The following APBA1 variants were observed in gnomAD, a reference collection of about 807,000 sequenced individuals.
The protein encoded by APBA1 is amyloid-beta A4 precursor protein-binding family A member 1.
A neutral mutation model predicts 86.6 loss-of-function variants in APBA1; 55 were observed. The observed-to-expected ratio is 0.64, with a 90% CI of 0.51 to 0.80. The LOEUF is 0.80. APBA1 is among the 30% of genes least tolerant of loss of function. The probability of loss-of-function intolerance (pLI) is 0.00; values close to 1 mark genes in which losing one functional copy is unlikely to be tolerated. For missense variants in APBA1, 1,090 were observed against 1,183.0 expected (o/e 0.92, Z 1.15); for synonymous variants, 511 against 493.9 (o/e 1.03, Z -0.46).
chr9:69,514,589 C>CA (rs1836103279), intron 2 of APBA1, among the ~76,000 whole-genome samples: 1 of 149,434 alleles, frequency 6.7e-6, no homozygotes, highest in Admixed American at 6.7e-5. Flanking sequence ...AATTCTGTCT[C>CA]AAAAAACCAA....
chr9:69,524,977 A>C (rs1836319595), intron 1 of APBA1, among the ~76,000 whole-genome samples: 2 of 152,350 alleles, frequency 1.3e-5, no homozygotes, highest in South Asian at 4.1e-4. Flanking sequence ...TGAAAACCAA[A>C]ACTATATGAT....
intron 2 of APBA1, among the ~76,000 whole-genome samples, chr9:69,494,074 T>C (rs190649309): frequency 6.6e-6 from 1 of 152,242 alleles, no homozygotes; most frequent in East Asian, 1.9e-4. Flanking sequence ...AACTATATTA[T>C]CAAAGCACAT....
chr9:69,605,100 C>G (rs978498864), intron 1 of APBA1, among the ~76,000 whole-genome samples: 7 of 152,154 alleles, frequency 4.6e-5, no homozygotes, highest in Admixed American at 4.6e-4. Context: ...GGGGTAAAAA[C>G]AAGAGTTATA....
rs916104917 is a variant in APBA1, at chr9:69,429,640, C to A, written c.*1687G>T. 2 of 152,138 alleles carry A rather than the reference C, an allele frequency of 1.3e-5. No homozygotes were observed. The allele number at this position is 152,138 out of a possible 1,614,324, so 9.4% of individuals were successfully genotyped here. On this transcript the variant is annotated 3_prime_UTR_variant, in exon 13 of 13. Transcript: ENST00000265381. Reference sequence around the variant, plus strand: ...TGCAGAGATCTCGGGGAATTGATCACAGAACTCTCTGGTTGAAGTCTCTTG... The same window carrying A: ...TGCAGAGATCTCGGGGAATTGATCAAAGAACTCTCTGGTTGAAGTCTCTTG...
chr9:69,464,405 C>G (rs1276596070), intron 5 of APBA1: 1 of 152,210 alleles, frequency 6.6e-6, no homozygotes, highest in Non-Finnish European at 1.5e-5. Flanking sequence ...TTTTACCACT[C>G]TATAATGAAT....
At chr9:69,606,443 G>A (rs1196668595) in intron 1 of APBA1, among the ~76,000 whole-genome samples, 2 of 129,494 alleles carry the variant, frequency 1.5e-5, no homozygotes, top group African/African-American at 5.6e-5. Flanking sequence ...GCTCAGAGAA[G>A]TTAAACAAGG....
chr9:69,430,573 A>G lies in APBA1; in HGVS notation c.*754T>C. On this transcript the variant is annotated 3_prime_UTR_variant, in exon 13 of 13. Coordinates refer to ENST00000265381, the MANE Select transcript of APBA1 (RefSeq NM_001163.4). ...TGTGTGTGTGTGTGAGAGAGAGAGA[A>G]GCAGACAGTACCTGCCTGTGTTTAT... 1 of 151,754 alleles carries G rather than the reference A, an allele frequency of 6.6e-6. No homozygotes were observed. Among genetic ancestry groups the G allele is most frequent in the Admixed American group, 6.6e-5 (1 of 15,238 alleles). 9.4% of individuals were successfully genotyped at this position (151,754 alleles called of 1,614,324 possible).
intron 1 of APBA1, among the ~76,000 whole-genome samples, chr9:69,652,088 T>C (rs2134016779): frequency 6.6e-6 from 1 of 152,346 alleles, no homozygotes; most frequent in East Asian, 1.9e-4. Context: ...GGCAGCCACC[T>C]GCCAGCCAAA....
intron 1 of APBA1, among the ~76,000 whole-genome samples, chr9:69,519,141 A>G (rs1836213072): frequency 6.6e-6 from 1 of 152,258 alleles, no homozygotes; most frequent in African/African-American, 2.4e-5. Flanking sequence ...AAAGTCTCCA[A>G]AAGCAAGTAT....
chr9:69,483,211 C>T (rs1005038161), intron 2 of APBA1, among the ~76,000 whole-genome samples: 8 of 148,836 alleles, frequency 5.4e-5, no homozygotes, highest in African/African-American at 1.7e-4. Context: ...GAAGGCTGCG[C>T]TGCTTCACAG....
At chr9:69,596,383 C>G (rs1317354002) in intron 1 of APBA1, among the ~76,000 whole-genome samples, 1 of 152,188 alleles carries the variant, frequency 6.6e-6, no homozygotes, top group Non-Finnish European at 1.5e-5. Context: ...ATCCTTTCAT[C>G]TGATTTATCT....
chr9:69,525,555 AC>A (rs1836329250), intron 1 of APBA1, among the ~76,000 whole-genome samples: 1 of 151,764 alleles, frequency 6.6e-6, no homozygotes, highest in Non-Finnish European at 1.5e-5. Context: ...TACAAGGAGA[AC>A]TATAAGACAC....
chr9:69,447,080 T>C (rs1834922492), intron 10 of APBA1, among the ~76,000 whole-genome samples: 1 of 152,160 alleles, frequency 6.6e-6, no homozygotes, highest in Admixed American at 6.5e-5. Context: ...ATGGCCAACT[T>C]CTAGCATCTT....
chr9:69,536,063 G>A (rs189773565), intron 1 of APBA1, among the ~76,000 whole-genome samples: 121 of 145,094 alleles, frequency 8.3e-4, no homozygotes, highest in African/African-American at 2.9e-3. Context: ...TTTTTTTGAT[G>A]TTGTACAAGT....
intron 1 of APBA1, among the ~76,000 whole-genome samples, chr9:69,631,075 A>T (rs1823031952): frequency 6.6e-6 from 1 of 152,168 alleles, no homozygotes; most frequent in Non-Finnish European, 1.5e-5. Flanking sequence ...TAAACGATTT[A>T]TCCTTCCCAA....
chr9:69,460,651 A>T (rs1835176580), intron 5 of APBA1: 1 of 151,110 alleles, frequency 6.6e-6, no homozygotes, highest in African/African-American at 2.5e-5. Context: ...TGGAGTACCC[A>T]AATTCTTTTT....
At chr9:69,636,922 G>GGAAA (rs1164309911) in intron 1 of APBA1, among the ~76,000 whole-genome samples, 676 of 63,886 alleles carry the variant, frequency 0.011, 42 homozygotes, top group African/African-American at 0.028. Context: ...AAGGAAGGAA[G>GGAAA]GAAAGAAAGA....
intron 1 of APBA1, among the ~76,000 whole-genome samples, chr9:69,584,191 G>A (rs1821972472): frequency 6.6e-6 from 1 of 152,008 alleles, no homozygotes; most frequent in Non-Finnish European, 1.5e-5. Flanking sequence ...AGATAGATAT[G>A]TATGTTTCCA....
chr9:69,459,000 G>C (rs1487250609), intron 5 of APBA1, among the ~76,000 whole-genome samples: 1 of 151,880 alleles, frequency 6.6e-6, no homozygotes, highest in Non-Finnish European at 1.5e-5. Context: ...TAGAGATGGG[G>C]TTTCTCCATG....
Sources: allele counts gnomAD v4.1 joint callset (sites outside exome capture counted in the v4.1 genomes callset), GRCh38; gene constraint gnomAD v4.1.1; transcripts MANE v1.5; gene names NCBI Gene and HGNC (gene_info 2026-07-23, HGNC 2026-07-21).